Variants in DMRT2 observed in about 807,000 individuals in gnomAD.
DMRT2 encodes doublesex- and mab-3-related transcription factor 2.
A neutral mutation model predicts 43.5 loss-of-function variants in DMRT2; 33 were observed. The ratio of observed to expected loss-of-function variants is 0.76; its 90% CI spans 0.58 to 1.01. DMRT2 has a LOEUF of 1.01. Ranked by LOEUF, DMRT2 falls within the 50% of genes least tolerant of loss-of-function variation. DMRT2 has a pLI of 0.00. For missense variants in DMRT2, 1,064 were observed against 748.0 expected (o/e 1.42, Z -4.93); for synonymous variants, 395 against 309.2 (o/e 1.28, Z -2.91).
In DMRT2 at chr9:1,050,483, G is replaced by A. The variant is rs529343091; in HGVS notation, c.-337G>A. On this transcript the variant is annotated 5_prime_UTR_variant, in exon 1 of 4. It adds an upstream start codon to the 5' untranslated region. Coordinates refer to ENST00000358146, the MANE Select transcript of DMRT2 (RefSeq NM_181872.6). Reference sequence around the variant, plus strand: ...GGAAGCCGAAAGCGGCCTCAGCAAGGTGAGGCGCCCGAGGCTGCAGAAGAC... The same window carrying A: ...GGAAGCCGAAAGCGGCCTCAGCAAGATGAGGCGCCCGAGGCTGCAGAAGAC... The A allele has an allele frequency of 6.6e-6, 1 of 152,282 alleles. No individual in the cohort carries two copies. The highest frequency in any genetic ancestry group is 1.5e-5 in the Non-Finnish European group (1 of 68,072). 9.4% of individuals were successfully genotyped at this position (152,282 alleles called of 1,614,324 possible). A position where few individuals can be genotyped will look rare whatever the true frequency, so the allele number is the denominator to read the frequency against.
In DMRT2 at chr9:1,051,181, C is replaced by T. The variant is rs1024144365; in HGVS notation, c.-44-389C>T. On this transcript the variant is annotated intron_variant, in intron 1 of 3. Coordinates refer to ENST00000358146, the MANE Select transcript of DMRT2 (RefSeq NM_181872.6). This position sits in a 1 kb window ranked among gnomAD's most constrained non-coding sequence, Gnocchi z 5.9. ...GTTCTTCCACGGATAGTTTTATATG[C>T]ATCATGGCCATACTAGTTGAGTATG... is the stretch of plus-strand genomic sequence containing the variant. Among the ~76,000 whole-genome samples, 1 of 152,096 alleles carries T rather than the reference C, an allele frequency of 6.6e-6. No homozygotes were observed. Among genetic ancestry groups the T allele is most frequent in the Non-Finnish European group, 1.5e-5 (1 of 68,032 alleles).
Position 1,052,123 on chromosome 9 carries a change from G to A in DMRT2, c.510G>A (p.Arg170=), listed in dbSNP as rs1821636391. The change falls in exon 2 of 4, where the codon AGG becomes AGA. Residue 170 remains arginine (R), a synonymous_variant. Coordinates refer to ENST00000358146, the MANE Select transcript of DMRT2 (RefSeq NM_181872.6). ...TGGCCGCCCAGGTGGCGCTCCGGAGGCAGCAGGCCACCGAGGTGCGTACCC... is the reference window on the plus strand; with the variant it reads ...TGGCCGCCCAGGTGGCGCTCCGGAGACAGCAGGCCACCGAGGTGCGTACCC... ...RVMAAQVALR[R]QQATEDKKGL... The A allele has an allele frequency of 2.1e-6, 3 of 1,411,826 alleles. No individual in the cohort carries two copies. Among genetic ancestry groups the A allele is most frequent in the Non-Finnish European group, 2.8e-6 (3 of 1,088,772 alleles). 87.5% of individuals were successfully genotyped at this position (1,411,826 alleles called of 1,614,324 possible).
chr9:1,056,337 G>A lies in DMRT2; in HGVS notation c.750G>A (p.Leu250=), dbSNP rs776693164. ...FADKELENIM[L]EREYKEREML... ...ATAAAGAGTTGGAGAACATTATGCT[G>A]GAGAGAGAATATAAAGAAAGGGAGA... The change falls in exon 4 of 4, where the codon CTG becomes CTA. Residue 250 remains leucine (L), a synonymous_variant. Transcript: ENST00000358146. 4.4e-5 allele frequency: 71 copies of A among 1,614,036 alleles called. No individual in the cohort carries two copies. Among genetic ancestry groups the A allele is most frequent in the Non-Finnish European group, 5.9e-5 (70 of 1,180,046 alleles).
chr9:1,057,457 A>T lies in DMRT2; in HGVS notation c.*184A>T. ...TCTTATCACATATATTTAAACTTAC[A>T]GATGGAAATTGCCCAATGTGCAAAT... On this transcript the variant is annotated 3_prime_UTR_variant, in exon 4 of 4. Transcript: ENST00000358146. 1.5e-6 allele frequency: 1 copy of T among 654,382 alleles called. No homozygotes were observed. Among genetic ancestry groups the T allele is most frequent in the Non-Finnish European group, 2.5e-6 (1 of 405,332 alleles). 40.5% of individuals were successfully genotyped at this position (654,382 alleles called of 1,614,324 possible).
rs1218560668 is a variant in DMRT2, at chr9:1,053,526, A to G, written c.526-196A>G. 2.0e-5 allele frequency among the ~76,000 whole-genome samples: 3 copies of G among 152,328 alleles called. No homozygotes were observed. In the East Asian group the frequency reaches 5.8e-4, roughly 29 times the overall value. ...AGCAGGGGATCCAGCTCACCAGCTGAGGTTCCAGCTCCTTGCCCTAGGATT... is the reference window on the plus strand; with the variant it reads ...AGCAGGGGATCCAGCTCACCAGCTGGGGTTCCAGCTCCTTGCCCTAGGATT... On this transcript the variant is annotated intron_variant, in intron 2 of 3. Coordinates refer to ENST00000358146, the MANE Select transcript of DMRT2 (RefSeq NM_181872.6).
At position 1,053,789 on chromosome 9, in the gene DMRT2, G is replaced by C; in HGVS notation, c.593G>C (p.Arg198Thr). The change falls in exon 3 of 4, where the codon AGA becomes ACA. Residue 198 changes from arginine (R) to threonine (T), a missense_variant. Arg to Thr is a moderately conservative substitution (Grantham distance 71). Coordinates refer to ENST00000358146, the MANE Select transcript of DMRT2 (RefSeq NM_181872.6). ...ERKAVYQRQV[R>T]APSLLAKSIL... ...AAAGCTGTGTACCAGAGGCAAGTCA[G>C]AGCCCCCAGTTTGCTGGCCAAAAGC... 2.5e-6 allele frequency: 4 copies of C among 1,614,146 alleles called. No individual in the cohort carries two copies. The highest frequency in any genetic ancestry group is 3.4e-6 in the Non-Finnish European group (4 of 1,180,016).
intron 3 of DMRT2, chr9:1,055,805 G>C (rs775611126): frequency 6.6e-7 from 1 of 1,506,338 alleles, no homozygotes; most frequent in South Asian, 1.3e-5. Flanking sequence ...TCTAGGTATA[G>C]ATATATTTTT....
chr9:1,053,313 C>T (rs987408675), intron 2 of DMRT2, among the ~76,000 whole-genome samples: 5 of 152,242 alleles, frequency 3.3e-5, no homozygotes, highest in South Asian at 2.1e-4. Context: ...TCACAGCAGG[C>T]CTTGGGCACC....
rs759059175 is a variant in DMRT2, at chr9:1,057,003, C to T, written c.1416C>T (p.His472=). The T allele has an allele frequency of 1.2e-6, 2 of 1,614,104 alleles. No homozygotes were observed. The highest frequency in any genetic ancestry group is 1.1e-5 in the South Asian group (1 of 91,088). Residue 472 remains histidine (H), a synonymous_variant, in exon 4 of 4, where the codon CAC becomes CAT. Coordinates refer to ENST00000358146, the MANE Select transcript of DMRT2 (RefSeq NM_181872.6). ...HPLPLRHNPF[H]SLFQQTLTDK... is the part of the protein sequence containing the mutation. ...TGCCACTTAGACATAATCCATTCCA[C>T]TCATTATTCCAGCAAACACTTACTG... is the stretch of plus-strand genomic sequence containing the variant.
At chr9:1,052,491 G>C (rs1821668416) in intron 2 of DMRT2, among the ~76,000 whole-genome samples, 2 of 152,014 alleles carry the variant, frequency 1.3e-5, no homozygotes, top group Admixed American at 1.3e-4. Context: ...GAGAGTGGTT[G>C]ATCCACAGCA....
At position 1,056,197 on chromosome 9, in the gene DMRT2, C is replaced by T. The variant is rs374105107; in HGVS notation, c.629-19C>T. 5.1e-6 allele frequency: 8 copies of T among 1,579,230 alleles called. No homozygotes were observed. In the African/African-American group the frequency reaches 6.8e-5, roughly 13 times the overall value. Reference sequence around the variant, plus strand: ...CGTAGATGTTAATCTCTTTCATGTGCAATCTTTGCTTCTTGTAGGCTATCG... The same window carrying T: ...CGTAGATGTTAATCTCTTTCATGTGTAATCTTTGCTTCTTGTAGGCTATCG... On this transcript the variant is annotated intron_variant, in intron 3 of 3. Coordinates refer to ENST00000358146, the MANE Select transcript of DMRT2 (RefSeq NM_181872.6).
chr9:1,056,814 G>T lies in DMRT2; in HGVS notation c.1227G>T (p.Glu409Asp). The T allele has an allele frequency of 1.2e-6, 2 of 1,614,166 alleles. No individual in the cohort carries two copies. The highest frequency in any genetic ancestry group is 1.7e-6 in the Non-Finnish European group (2 of 1,180,038). The change falls in exon 4 of 4, where the codon GAG (glutamate) becomes GAT (aspartate). Residue 409 changes from glutamate (E) to aspartate (D), a missense_variant. Coordinates refer to ENST00000358146, the MANE Select transcript of DMRT2 (RefSeq NM_181872.6). ...CCCTGGTGCTGCCTCACACTCCTGA[G>T]ATCCAGACCACGAGAAGTGACCTTC... ...EGSLVLPHTP[E>D]IQTTRSDLQG...
intron 3 of DMRT2, chr9:1,055,996 GAAC>G (rs2130237607): frequency 1.4e-6 from 2 of 1,411,584 alleles, no homozygotes; most frequent in Non-Finnish European, 1.8e-6. Context: ...ACAAGAACAA[GAAC>G]AACAACAAGA....
At chr9:1,052,477 G>T (rs575272141) in intron 2 of DMRT2, among the ~76,000 whole-genome samples, 12 of 152,070 alleles carry the variant, frequency 7.9e-5, no homozygotes, top group South Asian at 6.2e-4. Flanking sequence ...CGGGGGCTTG[G>T]GGGGAGAGTG....
At chr9:1,053,849 G>T in intron 3 of DMRT2, 25 bp downstream of exon 3, 1 of 1,593,448 alleles carries the variant, frequency 6.3e-7, no homozygotes, top group East Asian at 2.2e-5. Context: ...TTATCCTTCA[G>T]CCTTTTAAAC....
At chr9:1,055,769 C>T in intron 3 of DMRT2, 1 of 1,506,324 alleles carries the variant, frequency 6.6e-7, no homozygotes, top group Non-Finnish European at 8.9e-7. Flanking sequence ...AATGAACCAT[C>T]TTTAGAAAAT....
intron 3 of DMRT2, among the ~76,000 whole-genome samples, chr9:1,055,359 A>G (rs1034537994): frequency 1.3e-4 from 20 of 152,210 alleles, no homozygotes; most frequent in African/African-American, 4.6e-4. Flanking sequence ...ATGTTACACT[A>G]ATCTTTGTAT....
chr9:1,052,109 G>C lies in DMRT2; in HGVS notation c.496G>C (p.Val166Leu). 7.0e-7 allele frequency: 1 copy of C among 1,427,360 alleles called. No individual in the cohort carries two copies. Among genetic ancestry groups the C allele is most frequent in the Admixed American group, 2.9e-5 (1 of 34,864 alleles). 88.4% of individuals were successfully genotyped at this position (1,427,360 alleles called of 1,614,324 possible). The change falls in exon 2 of 4, where the codon GTG becomes CTG. Residue 166 changes from valine to leucine, a missense_variant. Transcript: ENST00000358146. ...VERQRVMAAQ[V>L]ALRRQQATED... ...GCGGCAGCGCGTCATGGCCGCCCAG[G>C]TGGCGCTCCGGAGGCAGCAGGCCAC...
intron 3 of DMRT2, among the ~76,000 whole-genome samples, chr9:1,055,423 G>A (rs1181056875): frequency 1.3e-5 from 2 of 152,188 alleles, no homozygotes; most frequent in African/African-American, 4.8e-5. Context: ...ATGATTGCTT[G>A]TTCAACCATT....
Sources: gnomAD v4.1 joint callset for allele counts (sites outside exome capture counted in the v4.1 genomes callset) on GRCh38, gnomAD v4.1.1 for gene constraint, Gnocchi (gnomAD v3.1) non-coding constraint, MANE v1.5 for transcripts, NCBI Gene and HGNC (gene_info 2026-07-23, HGNC 2026-07-21) for gene names.